The following ACOT12 variants were observed in gnomAD, a reference collection of about 807,000 sequenced individuals.
ACOT12 encodes the protein acetyl-coenzyme A thioesterase.
Under a neutral mutation model 67.7 loss-of-function variants are expected in ACOT12, and 51 were observed. That is an observed-to-expected ratio of 0.75 (90% CI 0.60 to 0.95). The LOEUF is 0.95. Ranked by LOEUF, ACOT12 falls within the 40% of genes least tolerant of loss-of-function variation. ACOT12 has a pLI of 0.00. For missense variants in ACOT12, 734 were observed against 708.1 expected, an observed-to-expected ratio of 1.04 and a Z score of -0.41; for synonymous variants, 251 against 244.6, an observed-to-expected ratio of 1.03 and a Z score of -0.24.
In ACOT12 at chr5:81,344,889, A is replaced by G. The variant is rs1212888224; in HGVS notation, c.924+2T>C. 2 of 1,614,032 alleles carry G rather than the reference A, an allele frequency of 1.2e-6. No individual in the cohort carries two copies. The highest frequency in any genetic ancestry group is 1.7e-6 in the Non-Finnish European group (2 of 1,179,972). On this transcript the variant is annotated splice_donor_variant, in intron 8 of 14. Transcript: ENST00000307624. LOFTEE classifies it high-confidence loss of function. ...ATTGAACCTCGTGTGATAATAACTGACCTTTGAAATGGGTTGGATTCTGGG... is the reference window on the plus strand; with the variant it reads ...ATTGAACCTCGTGTGATAATAACTGGCCTTTGAAATGGGTTGGATTCTGGG...
At chr5:81,323,753 T>C in the ACOT12 span, among the ~76,000 whole-genome samples, 7 of 151,738 alleles carry the variant, frequency 4.6e-5, no homozygotes, top group Non-Finnish European at 7.4e-5. Context: ...GGTACTGGGT[T>C]GAAAGTAGAA....
At position 81,330,889 on chromosome 5, in the gene ACOT12, C is replaced by T. The variant is rs144173782; in HGVS notation, c.1443G>A (p.Pro481=). ...VKSVILPSVP[P]SPQYIRSEII... The stretch of plus-strand genomic sequence containing the variant: ...TTTCACTTCTGATGTACTGTGGAGA[C>T]GGGGGGACCGATGGCAAAATGACCG... The change falls in exon 14 of 15, where the codon CCG becomes CCA. Residue 481 remains proline, a synonymous_variant. Transcript: ENST00000307624. The T allele has an allele frequency of 7.5e-5, 121 of 1,613,008 alleles. No individual in the cohort carries two copies. The highest frequency in any genetic ancestry group is 7.5e-4 in the African/African-American group (56 of 74,990).
intron 10 of ACOT12, 49 bp from the exon 11 acceptor site, chr5:81,342,804 T>A: frequency 6.4e-7 from 1 of 1,566,070 alleles, no homozygotes; most frequent in Non-Finnish European, 8.8e-7. Flanking sequence ...AATACATGGA[T>A]GTGTGATCAT....
chr5:81,386,272 T>C (rs1760722840), intron 1 of ACOT12, among the ~76,000 whole-genome samples: 1 of 152,226 alleles, frequency 6.6e-6, no homozygotes, highest in African/African-American at 2.4e-5. Flanking sequence ...TTGAGCGGTA[T>C]GGGAAACCCC....
At chr5:81,371,655 A>AATCTCACTAG in intron 3 of ACOT12, 95 bp downstream of exon 3, 1 of 1,216,088 alleles carries the variant, frequency 8.2e-7, no homozygotes, top group South Asian at 1.3e-5. Flanking sequence ...GAATCTCACT[A>AATCTCACTAG]ACTCCAAATA....
At chr5:81,345,772 G>A in intron 7 of ACOT12, 113 bp downstream of exon 7, 1 of 1,391,682 alleles carries the variant, frequency 7.2e-7, no homozygotes, top group South Asian at 1.3e-5. Flanking sequence ...AAAATTGCAT[G>A]AAAAAAATGG....
At chr5:81,348,690 G>A (rs570478705) in intron 5 of ACOT12, among the ~76,000 whole-genome samples, 13 of 151,988 alleles carry the variant, frequency 8.6e-5, no homozygotes, top group African/African-American at 3.1e-4. Context: ...TCGGCCTCCC[G>A]AGTAGCTGGG....
intron 7 of ACOT12, 109 bp from the exon 8 acceptor site, chr5:81,345,150 C>CA: frequency 7.4e-7 from 1 of 1,357,776 alleles, no homozygotes; most frequent in Non-Finnish European, 1.0e-6. Flanking sequence ...CTCTAAGCAA[C>CA]AGGAGGATAA....
chr5:81,357,791 A>T (rs1759764807), intron 5 of ACOT12, among the ~76,000 whole-genome samples: 1 of 152,122 alleles, frequency 6.6e-6, no homozygotes. Context: ...GGATCACCTG[A>T]GGTCAGGAGT....
Position 81,344,921 on chromosome 5 carries a change from G to A in ACOT12, c.894C>T (p.Ile298=), listed in dbSNP as rs1759326346. 2.5e-6 allele frequency: 4 copies of A among 1,614,196 alleles called. No individual in the cohort carries two copies. The highest frequency in any genetic ancestry group is 2.7e-5 in the African/African-American group (2 of 75,054). ...AAATGGGTTGGATTCTGGGAAACGT[G>A]ATGAGATTTTCCTTATCATCAGCAG... ...YNAADDKENL[I]TFPRIQPISK... Residue 298 remains isoleucine, a synonymous_variant, in exon 8 of 15, where the codon ATC becomes ATT. Coordinates refer to ENST00000307624, the MANE Select transcript of ACOT12 (RefSeq NM_130767.3).
the ACOT12 span, among the ~76,000 whole-genome samples, chr5:81,315,438 A>G: frequency 2.0e-5 from 3 of 152,142 alleles, no homozygotes; most frequent in Non-Finnish European, 4.4e-5. Flanking sequence ...ACCTAACACT[A>G]TAGCTCTATT....
At chr5:81,312,503 T>C in the ACOT12 span, 7 of 1,502,012 alleles carry the variant, frequency 4.7e-6, no homozygotes, top group South Asian at 6.9e-5. Context: ...TGCATTTGAT[T>C]ACTGTTTTTC....
intron 13 of ACOT12, among the ~76,000 whole-genome samples, chr5:81,331,393 T>C (rs1021465178): frequency 2.6e-5 from 4 of 152,148 alleles, no homozygotes; most frequent in Non-Finnish European, 5.9e-5. Context: ...TAAAATTAGC[T>C]GACCATGGTG....
chr5:81,330,440 T>C lies in ACOT12; in HGVS notation c.1622A>G (p.Gln541Arg), dbSNP rs1431221353. The part of the protein sequence containing the change: ...SIEETAASCI[Q>R]FLENPPDDGF... ...ATCATCAGGAGGATTCTCTAAGAAC[T>C]GTATACAAGAGGCTGCTGTTTCTTC... The change falls in exon 15 of 15, where the codon CAG becomes CGG. Residue 541 changes from glutamine to arginine, a missense_variant. By Grantham distance (43) the Gln-to-Arg change is conservative. Transcript: ENST00000307624. 2 of 1,614,078 alleles carry C rather than the reference T, an allele frequency of 1.2e-6. No homozygotes were observed. Among genetic ancestry groups the C allele is most frequent in the South Asian group, 1.1e-5 (1 of 91,064 alleles).
At chr5:81,343,668 G>T (rs1759276291) in intron 10 of ACOT12, 150 bp downstream of exon 10, 2 of 726,914 alleles carry the variant, frequency 2.8e-6, no homozygotes, top group South Asian at 2.0e-5. Flanking sequence ...CTGATAGCCT[G>T]GTTTTGTTTC....
chr5:81,347,625 A>G, intron 6 of ACOT12, 149 bp downstream of exon 6: 2 of 846,900 alleles, frequency 2.4e-6, no homozygotes, highest in Non-Finnish European at 1.8e-6. Flanking sequence ...AAAGTAAGAA[A>G]GTAAATGATT....
the ACOT12 span, chr5:81,309,179 A>G: frequency 9.6e-6 from 6 of 624,742 alleles, no homozygotes; most frequent in Non-Finnish European, 1.6e-5. Flanking sequence ...ATCAAGTGCT[A>G]TCATATGTAC....
chr5:81,315,051 C>G, the ACOT12 span, among the ~76,000 whole-genome samples: 2 of 152,180 alleles, frequency 1.3e-5, no homozygotes, highest in Admixed American at 6.5e-5. Context: ...ACAAACTTAT[C>G]TTTCACTTTT....
chr5:81,371,902 A>G, intron 2 of ACOT12, 92 bp from the exon 3 acceptor site: 1 of 1,060,424 alleles, frequency 9.4e-7, no homozygotes, highest in South Asian at 1.3e-5. Flanking sequence ...GCCATAAAGC[A>G]GTTCCACCTT....
Sources: gnomAD v4.1 joint callset for allele counts (sites outside exome capture counted in the v4.1 genomes callset) on GRCh38, gnomAD v4.1.1 for gene constraint, MANE v1.5 for transcripts, NCBI Gene and HGNC (gene_info 2026-07-23, HGNC 2026-07-21) for gene names.